Variants in RBFOX1 observed in about 807,000 individuals in gnomAD.
The protein encoded by RBFOX1 is RNA binding protein fox-1 homolog 1.
A neutral mutation model predicts 57.7 loss-of-function variants in RBFOX1; 8 were observed. The observed-to-expected ratio is 0.14, with a 90% CI of 0.08 to 0.25. The LOEUF (loss-of-function observed/expected upper bound fraction) is 0.25, where lower values mean the gene tolerates loss of function less well. Ranked by LOEUF, RBFOX1 falls within the 10% of genes least tolerant of loss-of-function variation. RBFOX1 has a pLI of 1.00. For synonymous variants in RBFOX1, 326 were observed against 222.4 expected, an observed-to-expected ratio of 1.47 and a Z score of -4.15; for missense variants, 611 against 548.5, an observed-to-expected ratio of 1.11 and a Z score of -1.14.
chr16:6,910,654 A>C (rs2071334950), intron 3 of RBFOX1, among the ~76,000 whole-genome samples: 1 of 152,170 alleles, frequency 6.6e-6, no homozygotes, highest in Non-Finnish European at 1.5e-5. Context: ...TCTAGAGGCC[A>C]CCTGGATTAC....
At chr16:6,508,134 G>C (rs952840944) in intron 2 of RBFOX1, among the ~76,000 whole-genome samples, 7 of 152,142 alleles carry the variant, frequency 4.6e-5, no homozygotes, top group East Asian at 1.9e-4. Context: ...AATACTGCAT[G>C]TTCTCACTTA....
At chr16:5,855,512 T>C (rs922765805) in intron 3 of RBFOX1, among the ~76,000 whole-genome samples, 1 of 152,214 alleles carries the variant, frequency 6.6e-6, no homozygotes, top group Non-Finnish European at 1.5e-5. Flanking sequence ...TTGGCATTCT[T>C]GCTGAAGATC....
At chr16:5,589,505 G>A (rs536829367) in intron 2 of RBFOX1, among the ~76,000 whole-genome samples, 32 of 152,264 alleles carry the variant, frequency 2.1e-4, no homozygotes, top group African/African-American at 7.7e-4. Flanking sequence ...TAGAAGGTAA[G>A]TATCTTGTCC....
chr16:7,441,397 C>T lies in RBFOX1; in HGVS notation c.28-76750C>T, dbSNP rs1354082847. Among the ~76,000 whole-genome samples, 4 of 152,158 alleles carry T rather than the reference C, an allele frequency of 2.6e-5. No individual in the cohort carries two copies. In the East Asian group the frequency reaches 5.8e-4, roughly 22 times the overall value. Reference sequence around the variant, plus strand: ...TCAAAGGATTAGAGGTAGAGTTTTGCTCTGAGAGATGATGTTGCCTAAGCC... The same window carrying T: ...TCAAAGGATTAGAGGTAGAGTTTTGTTCTGAGAGATGATGTTGCCTAAGCC... On this transcript the variant is annotated intron_variant, in intron 4 of 15. Coordinates refer to ENST00000550418, the MANE Select transcript of RBFOX1 (RefSeq NM_018723.4).
intron 4 of RBFOX1, among the ~76,000 whole-genome samples, chr16:7,312,567 C>T (rs1015282738): frequency 3.9e-5 from 6 of 152,182 alleles, no homozygotes; most frequent in African/African-American, 1.4e-4. Context: ...CTTCTTGGTT[C>T]CACTACCCTG....
In RBFOX1 at chr16:6,445,227, CT is replaced by C. The variant is rs200064091; in HGVS notation, c.-64+128178del. ...ATAAGTTTAGCCTGAGATTTTCTTC[CT>C]TTTTTTTATATATATAATTTTTTAT... On this transcript the variant is annotated intron_variant, in intron 2 of 15. Coordinates refer to ENST00000550418, the MANE Select transcript of RBFOX1 (RefSeq NM_018723.4). Among the ~76,000 whole-genome samples the C allele has an allele frequency of 9.3e-3, 1,405 of 151,702 alleles. 4 individuals carry two copies. Among genetic ancestry groups the C allele is most frequent in the Non-Finnish European group, 0.015 (1,041 of 67,952 alleles).
intron 4 of RBFOX1, among the ~76,000 whole-genome samples, chr16:7,234,523 G>A (rs1043701290): frequency 6.6e-6 from 1 of 151,886 alleles, no homozygotes; most frequent in East Asian, 1.9e-4. Flanking sequence ...TATAAGCATC[G>A]TGTCCTGGAT....
At chr16:7,346,746 A>G (rs1400252508) in intron 4 of RBFOX1, among the ~76,000 whole-genome samples, 1 of 152,134 alleles carries the variant, frequency 6.6e-6, no homozygotes, top group Non-Finnish European at 1.5e-5. Flanking sequence ...CTGTGGGTTG[A>G]CTGAAGACCC....
intron 3 of RBFOX1, among the ~76,000 whole-genome samples, chr16:7,034,027 T>G (rs1385968910): frequency 1.3e-5 from 2 of 152,204 alleles, no homozygotes; most frequent in Admixed American, 1.3e-4. Flanking sequence ...ATACTTGGAT[T>G]TCTCTCCATT....
intron 14 of RBFOX1, among the ~76,000 whole-genome samples, chr16:7,707,751 G>A (rs1265989171): frequency 6.6e-6 from 1 of 152,190 alleles, no homozygotes; most frequent in Non-Finnish European, 1.5e-5. Flanking sequence ...CTTGCCTCTA[G>A]GTGGAACCTG....
At chr16:6,919,061 A>C (rs1241111131) in intron 3 of RBFOX1, among the ~76,000 whole-genome samples, 1 of 151,866 alleles carries the variant, frequency 6.6e-6, no homozygotes, top group Non-Finnish European at 1.5e-5. Context: ...GCTCACTGCA[A>C]CCTCCGTTCT....
intron 2 of RBFOX1, among the ~76,000 whole-genome samples, chr16:6,338,014 C>T (rs2152820645): frequency 6.6e-6 from 1 of 152,204 alleles, no homozygotes; most frequent in East Asian, 1.9e-4. Context: ...TACTATGTTT[C>T]ATGATGTGCA....
At chr16:7,423,153 G>A (rs371305002) in intron 4 of RBFOX1, 4 of 152,214 alleles carry the variant, frequency 2.6e-5, no homozygotes, top group African/African-American at 9.6e-5. Flanking sequence ...GTCCAGTGGT[G>A]TTGGAGCCCT....
chr16:7,225,196 G>C (rs866538985), intron 4 of RBFOX1, among the ~76,000 whole-genome samples: 1 of 152,078 alleles, frequency 6.6e-6, no homozygotes, highest in Non-Finnish European at 1.5e-5. Flanking sequence ...GTTTGTAAGT[G>C]CACGTGATCT....
At chr16:6,783,724 C>CT (rs535352054) in intron 3 of RBFOX1, among the ~76,000 whole-genome samples, 33 of 152,158 alleles carry the variant, frequency 2.2e-4, no homozygotes, top group Non-Finnish European at 4.3e-4. Context: ...TGTGTGCTTG[C>CT]TTTTACCAAG....
chr16:5,507,339 A>C (rs1017240744), intron 2 of RBFOX1, among the ~76,000 whole-genome samples: 5 of 152,040 alleles, frequency 3.3e-5, no homozygotes, highest in Non-Finnish European at 7.4e-5. Context: ...AGCAGAATGC[A>C]AGCTCCATGC....
rs180998205 is a variant in RBFOX1, at chr16:6,936,062, G to C, written c.-15-115995G>C. Among the ~76,000 whole-genome samples the C allele has an allele frequency of 4.1e-3, 621 of 152,282 alleles. 18 individuals are homozygous for C. The highest frequency in any genetic ancestry group is 0.036 in the Admixed American group (553 of 15,296). ...CAATGCGCAAGAGTATTTTGCCTGC[G>C]TCAGGCTGACTGCGGGCATTTCCTT... On this transcript the variant is annotated intron_variant, in intron 3 of 15. Coordinates refer to ENST00000550418, the MANE Select transcript of RBFOX1 (RefSeq NM_018723.4).
At chr16:6,571,192 A>G (rs920825531) in intron 2 of RBFOX1, among the ~76,000 whole-genome samples, 2 of 152,200 alleles carry the variant, frequency 1.3e-5, no homozygotes, top group African/African-American at 2.4e-5. Context: ...AAAGGGGTCT[A>G]TTCCCAAAAG....
chr16:6,289,717 T>C (rs1028779554), intron 1 of RBFOX1, among the ~76,000 whole-genome samples: 3 of 152,146 alleles, frequency 2.0e-5, no homozygotes, highest in African/African-American at 4.8e-5. Flanking sequence ...AAGGTAAGGA[T>C]GGTTGCATCC....
Sources: gnomAD v4.1 joint callset for allele counts (sites outside exome capture counted in the v4.1 genomes callset) on GRCh38, gnomAD v4.1.1 for gene constraint, MANE v1.5 for transcripts, NCBI Gene and HGNC (gene_info 2026-07-23, HGNC 2026-07-21) for gene names.